Variants in DLGAP1 observed in about 807,000 individuals in gnomAD.
DLGAP1 encodes the protein DLG associated protein 1.
A neutral mutation model predicts 90.8 loss-of-function variants in DLGAP1; 11 were observed. The observed-to-expected ratio is 0.12, with a 90% confidence interval of 0.08 to 0.20. The LOEUF (loss-of-function observed/expected upper bound fraction) is 0.20. Ranked by LOEUF, DLGAP1 falls within the 10% of genes least tolerant of loss-of-function variation. The probability of loss-of-function intolerance (pLI) is 1.00; values close to 1 mark genes in which losing one functional copy is unlikely to be tolerated. For missense variants in DLGAP1, 1,050 were observed against 1,333.8 expected (o/e 0.79, Z 3.31); for synonymous variants, 558 against 540.7 (o/e 1.03, Z -0.44).
chr18:4,249,124 T>C (rs1481338130), intron 1 of DLGAP1, among the ~76,000 whole-genome samples: 3 of 152,182 alleles, frequency 2.0e-5, no homozygotes, highest in African/African-American at 7.2e-5. Flanking sequence ...CTCTCCATTG[T>C]ACTCCTCACC....
chr18:4,141,916 T>C (rs2076501364), intron 2 of DLGAP1, among the ~76,000 whole-genome samples: 2 of 152,124 alleles, frequency 1.3e-5, no homozygotes, highest in South Asian at 4.1e-4. Context: ...AAAACAGCTA[T>C]TTTGAATTCT....
chr18:4,017,362 A>G (rs1477060452), intron 2 of DLGAP1, among the ~76,000 whole-genome samples: 1 of 152,226 alleles, frequency 6.6e-6, no homozygotes, highest in Admixed American at 6.5e-5. Flanking sequence ...GATAAACTGA[A>G]TACTCAGAAA....
intron 4 of DLGAP1, among the ~76,000 whole-genome samples, chr18:3,818,857 G>C (rs2067244508): frequency 6.6e-6 from 1 of 151,250 alleles, no homozygotes; most frequent in East Asian, 2.0e-4. Context: ...GCCTCCCAAA[G>C]TGCTGGGATT....
intron 3 of DLGAP1, among the ~76,000 whole-genome samples, chr18:3,985,250 T>C (rs1311922188): frequency 1.3e-5 from 2 of 152,188 alleles, no homozygotes; most frequent in Non-Finnish European, 2.9e-5. Flanking sequence ...GTGATTTATG[T>C]TATTGCTTTC....
intron 7 of DLGAP1, among the ~76,000 whole-genome samples, chr18:3,715,115 C>G (rs1011160655): frequency 6.6e-6 from 1 of 152,204 alleles, no homozygotes; most frequent in Non-Finnish European, 1.5e-5. Context: ...CTGCTTATTT[C>G]TAGGTTCTCA....
intron 4 of DLGAP1, among the ~76,000 whole-genome samples, chr18:3,860,251 T>C (rs1025957888): frequency 6.6e-6 from 1 of 152,202 alleles, no homozygotes; most frequent in African/African-American, 2.4e-5. Context: ...ACAGTAACTT[T>C]TGCAATGTCT....
chr18:4,395,189 A>G (rs921946592), intron 1 of DLGAP1, among the ~76,000 whole-genome samples: 3 of 152,246 alleles, frequency 2.0e-5, no homozygotes, highest in African/African-American at 7.2e-5. Flanking sequence ...TCTTTACCTA[A>G]GTTCACATTT....
At chr18:3,668,523 G>A (rs930382451) in intron 7 of DLGAP1, among the ~76,000 whole-genome samples, 9 of 152,052 alleles carry the variant, frequency 5.9e-5, no homozygotes, top group African/African-American at 2.2e-4. Context: ...GTCTCACTGT[G>A]TTGCCCAGGC....
At chr18:3,821,446 AAAG>A (rs2067410475) in intron 4 of DLGAP1, among the ~76,000 whole-genome samples, 1 of 151,344 alleles carries the variant, frequency 6.6e-6, no homozygotes, top group Admixed American at 6.6e-5. Context: ...AAACTAAAAA[AAAG>A]AAGAAGAGAA....
At chr18:3,907,685 C>T (rs1479137633) in intron 3 of DLGAP1, among the ~76,000 whole-genome samples, 2 of 152,058 alleles carry the variant, frequency 1.3e-5, no homozygotes, top group Non-Finnish European at 2.9e-5. Flanking sequence ...ACAGGTACAC[C>T]CACTTCAAGA....
At chr18:3,993,273 T>C (rs2074004492) in intron 3 of DLGAP1, 1 of 152,122 alleles carries the variant, frequency 6.6e-6, no homozygotes, top group African/African-American at 2.4e-5. Context: ...AGGCTTCTTT[T>C]GAATAATGGA....
chr18:3,580,634 T>A, intron 8 of DLGAP1: 1 of 1,597,936 alleles, frequency 6.3e-7, no homozygotes. Flanking sequence ...TGAGCCTTTG[T>A]CGGCTGACCC....
chr18:4,120,750 CCTGCCATCCT>C (rs2076140603), intron 2 of DLGAP1, among the ~76,000 whole-genome samples: 1 of 147,538 alleles, frequency 6.8e-6, no homozygotes, highest in African/African-American at 2.5e-5. Context: ...CTCCCTCCGT[CCTGCCATCCT>C]CCTCCCTTTC....
chr18:3,920,373 A>AAAG (rs1568300205), intron 3 of DLGAP1, among the ~76,000 whole-genome samples: 8 of 149,546 alleles, frequency 5.3e-5, no homozygotes, highest in Non-Finnish European at 8.9e-5. Context: ...AAAAAAAAAA[A>AAAG]GCACTGGGTA....
chr18:4,266,415 G>T (rs2079133053), intron 1 of DLGAP1, among the ~76,000 whole-genome samples: 1 of 152,170 alleles, frequency 6.6e-6, no homozygotes, highest in Admixed American at 6.5e-5. Context: ...CTTATCCTAA[G>T]AACTGGAGAA....
chr18:3,794,284 G>A (rs1023450252), intron 5 of DLGAP1, among the ~76,000 whole-genome samples: 1 of 152,190 alleles, frequency 6.6e-6, no homozygotes, highest in African/African-American at 2.4e-5. Flanking sequence ...GGTCAGTGAT[G>A]AGGCAGGAAA....
intron 1 of DLGAP1, among the ~76,000 whole-genome samples, chr18:4,340,151 TAATA>T (rs1159054904): frequency 6.6e-6 from 1 of 152,180 alleles, no homozygotes; most frequent in Non-Finnish European, 1.5e-5. Context: ...CAACAATAAC[TAATA>T]ATTATTAGTT....
intron 5 of DLGAP1, among the ~76,000 whole-genome samples, chr18:3,792,097 T>C (rs946491846): frequency 2.6e-5 from 4 of 152,182 alleles, no homozygotes; most frequent in South Asian, 2.1e-4. Context: ...AGAAGCCCTA[T>C]GCCCCAGCCC....
chr18:3,975,860 A>G (rs2073560535), intron 3 of DLGAP1, among the ~76,000 whole-genome samples: 2 of 152,172 alleles, frequency 1.3e-5, no homozygotes, highest in African/African-American at 4.8e-5. Flanking sequence ...TACATGAGGT[A>G]CCTAGAGAAA....
Sources: gnomAD v4.1 joint callset for allele counts (sites outside exome capture counted in the v4.1 genomes callset) on GRCh38, gnomAD v4.1.1 for gene constraint, MANE v1.5 for transcripts, NCBI Gene and HGNC (gene_info 2026-07-23, HGNC 2026-07-21) for gene names.